The following RNF182 variants were observed in gnomAD, a reference collection of about 807,000 sequenced individuals.
RNF182 encodes E3 ubiquitin-protein ligase RNF182.
In RNF182, 15 loss-of-function variants were observed where a neutral mutation model predicts 14.4. That is an observed-to-expected ratio of 1.04 (90% CI 0.70 to 1.60). The LOEUF (loss-of-function observed/expected upper bound fraction) is 1.60, where lower values mean the gene tolerates loss of function less well. RNF182 is among the 40% of genes most tolerant of loss of function. RNF182 has a pLI of 0.00. For missense variants in RNF182, 268 were observed against 294.8 expected (o/e 0.91, Z 0.67); for synonymous variants, 128 against 122.9 (o/e 1.04, Z -0.27).
rs573936301 is a variant in RNF182, at chr6:13,946,271, A to G, written c.-367+21248A>G. ...AACCTCTGCCTCCTGGGTTGAAGCA[A>G]TTCTCCTGCCTCAGCCTCCTGAGCA... On this transcript the variant is annotated intron_variant, in intron 1 of 2. Coordinates refer to ENST00000488300, the MANE Select transcript of RNF182 (RefSeq NM_152737.4). Among the ~76,000 whole-genome samples the G allele has an allele frequency of 1.1e-3, 166 of 151,626 alleles. No homozygotes were observed. The Middle Eastern group carries it at 0.014, about 13-fold the overall frequency.
intron 1 of RNF182, among the ~76,000 whole-genome samples, chr6:13,953,076 C>G (rs1170345473): frequency 2.0e-5 from 3 of 152,158 alleles, no homozygotes; most frequent in Admixed American, 2.0e-4. Context: ...AGGACATTTC[C>G]TGGGTCTGTT....
chr6:13,973,327 G>A (rs1366799203), intron 1 of RNF182, among the ~76,000 whole-genome samples: 1 of 152,132 alleles, frequency 6.6e-6, no homozygotes, highest in Non-Finnish European at 1.5e-5. Context: ...ATGGACTTTT[G>A]AGTTAATGTT....
intron 1 of RNF182, among the ~76,000 whole-genome samples, chr6:13,931,997 C>A (rs561312047): frequency 6.6e-6 from 1 of 152,260 alleles, no homozygotes; most frequent in South Asian, 2.1e-4. Flanking sequence ...ATCTGTGAAC[C>A]AATAAGTGGT....
In RNF182 at chr6:13,925,069, G is replaced by GCCCCCGC. The variant is rs1758782343; in HGVS notation, c.-367+46_-367+47insCCCCCGC. ...GCCGGGGAGGGGTCGGCGGGACGCCGGGCCTCCCCAACGCTGGGGCAGCAG... is the reference window on the plus strand; with the variant it reads ...GCCGGGGAGGGGTCGGCGGGACGCCGCCCCCGCGGCCTCCCCAACGCTGGGGCAGCAG... On this transcript the variant is annotated intron_variant, in intron 1 of 2. Coordinates refer to ENST00000488300, the MANE Select transcript of RNF182 (RefSeq NM_152737.4). 21 of 10,338 alleles carry GCCCCCGC rather than the reference G, an allele frequency of 2.0e-3. 2 individuals carry two copies. Among genetic ancestry groups the GCCCCCGC allele is most frequent in the South Asian group, 5.7e-3 (2 of 350 alleles). 0.6% of individuals were successfully genotyped at this position (10,338 alleles called of 1,614,324 possible). A position where few individuals can be genotyped will look rare whatever the true frequency, so the allele number is the denominator to read the frequency against.
intron 1 of RNF182, among the ~76,000 whole-genome samples, chr6:13,946,412 G>A (rs1257283665): frequency 1.3e-5 from 2 of 151,994 alleles, no homozygotes; most frequent in South Asian, 2.1e-4. Context: ...TGATCCACCC[G>A]CCTTGGCCTC....
intron 1 of RNF182, among the ~76,000 whole-genome samples, chr6:13,940,342 A>G (rs1488480450): frequency 2.0e-5 from 3 of 152,184 alleles, no homozygotes; most frequent in Non-Finnish European, 4.4e-5. Flanking sequence ...GCATTTCTAT[A>G]ATAAATCCAA....
intron 1 of RNF182, among the ~76,000 whole-genome samples, chr6:13,970,153 T>C (rs1336971881): frequency 6.6e-6 from 1 of 152,222 alleles, no homozygotes; most frequent in Non-Finnish European, 1.5e-5. Flanking sequence ...TATATGTTGG[T>C]ATTTCAAGCC....
chr6:13,940,763 C>T (rs915838222), intron 1 of RNF182, among the ~76,000 whole-genome samples: 2 of 151,964 alleles, frequency 1.3e-5, no homozygotes, highest in Admixed American at 1.3e-4. Flanking sequence ...TAATAGTATG[C>T]TCTTAAATTC....
intron 1 of RNF182, among the ~76,000 whole-genome samples, chr6:13,958,211 C>T (rs1486138169): frequency 1.3e-5 from 2 of 151,968 alleles, no homozygotes; most frequent in African/African-American, 4.8e-5. Context: ...CATGGTGAAA[C>T]CCCGTCTCTA....
chr6:13,941,824 T>C (rs1261581369), intron 1 of RNF182, among the ~76,000 whole-genome samples: 1 of 152,166 alleles, frequency 6.6e-6, no homozygotes. Flanking sequence ...TATAAACCCC[T>C]TGCTCTTTTT....
chr6:13,932,846 A>AT (rs895129817), intron 1 of RNF182, among the ~76,000 whole-genome samples: 2 of 152,250 alleles, frequency 1.3e-5, no homozygotes, highest in African/African-American at 4.8e-5. Context: ...TACAAGTCTG[A>AT]TTTTCCTCAT....
intron 1 of RNF182, among the ~76,000 whole-genome samples, chr6:13,960,662 T>G (rs904379629): frequency 1.1e-5 from 1 of 89,302 alleles, no homozygotes. Context: ...AGAGAGTGTG[T>G]GTGTGTGTGT....
At chr6:13,973,164 C>T (rs1760237516) in intron 1 of RNF182, among the ~76,000 whole-genome samples, 3 of 152,268 alleles carry the variant, frequency 2.0e-5, no homozygotes, top group South Asian at 4.2e-4. Flanking sequence ...GGGCCTGTAG[C>T]CCCTTTGTTT....
chr6:13,950,980 A>G (rs1210266784), intron 1 of RNF182, among the ~76,000 whole-genome samples: 3 of 151,812 alleles, frequency 2.0e-5, no homozygotes, highest in Non-Finnish European at 4.4e-5. Context: ...TATATTTAGT[A>G]GAGACGGGGT....
chr6:13,934,960 A>G (rs1759071101), intron 1 of RNF182, among the ~76,000 whole-genome samples: 1 of 152,196 alleles, frequency 6.6e-6, no homozygotes, highest in Admixed American at 6.5e-5. Context: ...GGTTAGAAAG[A>G]AAAGGGGTGG....
intron 1 of RNF182, among the ~76,000 whole-genome samples, chr6:13,944,355 A>G (rs1759382317): frequency 6.6e-6 from 1 of 152,166 alleles, no homozygotes; most frequent in Admixed American, 6.5e-5. Context: ...TGGTTTTGTC[A>G]TCCTAGGGAC....
intron 1 of RNF182, among the ~76,000 whole-genome samples, chr6:13,934,865 T>A (rs1382126301): frequency 1.3e-5 from 2 of 152,166 alleles, no homozygotes; most frequent in Admixed American, 1.3e-4. Context: ...GACGAGAAGA[T>A]TTGATCAAGA....
At position 13,978,054 on chromosome 6, in the gene RNF182, TAGCAAAA is replaced by T; in HGVS notation, c.*192_*198del. On this transcript the variant is annotated 3_prime_UTR_variant, in exon 3 of 3. Coordinates refer to ENST00000488300, the MANE Select transcript of RNF182 (RefSeq NM_152737.4). The stretch of plus-strand genomic sequence containing the variant: ...AAAATGTTCATTTCTACTTAGGGGT[TAGCAAAA>T]TTGTATAAGCTCACACTTCATGGAG... 4.9e-6 allele frequency: 3 copies of T among 611,608 alleles called. No homozygotes were observed. Among genetic ancestry groups the T allele is most frequent in the Non-Finnish European group, 5.6e-6 (2 of 355,988 alleles). The allele number at this position is 611,608 out of a possible 1,614,324, so 37.9% of individuals were successfully genotyped here. A position where few individuals can be genotyped will look rare whatever the true frequency, so the allele number is the denominator to read the frequency against.
intron 2 of RNF182, among the ~76,000 whole-genome samples, chr6:13,974,806 C>T (rs565707157): frequency 1.6e-4 from 24 of 152,298 alleles, no homozygotes; most frequent in Non-Finnish European, 2.8e-4. Flanking sequence ...CTGTTTTACT[C>T]TTTTTTTCTG....
Sources: gnomAD v4.1 joint callset for allele counts (sites outside exome capture counted in the v4.1 genomes callset) on GRCh38, gnomAD v4.1.1 for gene constraint, MANE v1.5 for transcripts, NCBI Gene and HGNC (gene_info 2026-07-23, HGNC 2026-07-21) for gene names.